VRK3: variants seen among roughly 807,000 people sequenced by gnomAD.
The protein encoded by VRK3 is VRK serine/threonine kinase 3.
VRK3 carries 50 observed loss-of-function variants against 60.4 expected under a neutral mutation model. The ratio of observed to expected loss-of-function variants is 0.83; its 90% CI spans 0.66 to 1.05. VRK3 has a LOEUF of 1.05. VRK3 is among the 50% of genes least tolerant of loss of function. The pLI is 0.00. For missense variants in VRK3, 549 were observed against 585.3 expected (o/e 0.94, Z 0.64); for synonymous variants, 246 against 227.8 (o/e 1.08, Z -0.72).
At chr19:49,993,110 C>T (rs2076640449) in intron 9 of VRK3, among the ~76,000 whole-genome samples, 158 bp from the exon 10 acceptor site, 1 of 152,146 alleles carries the variant, frequency 6.6e-6, no homozygotes, top group East Asian at 1.9e-4. Flanking sequence ...CATGAGGAGC[C>T]CGCTGTGACA....
intron 10 of VRK3, among the ~76,000 whole-genome samples, chr19:49,990,531 C>T (rs1226689063): frequency 6.6e-6 from 1 of 151,996 alleles, no homozygotes; most frequent in African/African-American, 2.4e-5. Context: ...CAGGCATGCA[C>T]CACCATGCCC....
chr19:49,979,049 G>C (rs1475881353), intron 14 of VRK3, 34 bp downstream of exon 14: 2 of 1,561,280 alleles, frequency 1.3e-6, no homozygotes, highest in South Asian at 1.2e-5. Flanking sequence ...GAGGGCAAGG[G>C]GTGAGAGGCT....
chr19:50,022,115 C>T (rs1414816368), intron 1 of VRK3, among the ~76,000 whole-genome samples: 1 of 152,182 alleles, frequency 6.6e-6, no homozygotes, highest in African/African-American at 2.4e-5. Context: ...CTCCACTCAC[C>T]TAGAAAACAG....
At chr19:49,999,850 T>C (rs924450407) in intron 6 of VRK3, 1 of 152,258 alleles carries the variant, frequency 6.6e-6, no homozygotes, top group Admixed American at 6.5e-5. Context: ...ACAGCTCAGG[T>C]TGATGGGGTG....
chr19:49,981,274 C>T, intron 12 of VRK3: 2 of 493,756 alleles, frequency 4.1e-6, no homozygotes, highest in Non-Finnish European at 7.4e-6. Flanking sequence ...TGGCCGGGCA[C>T]AGTGGCTCAC....
chr19:50,020,786 T>C (rs1045442497), intron 1 of VRK3, 139 bp from the exon 2 acceptor site: 1 of 152,230 alleles, frequency 6.6e-6, no homozygotes, highest in African/African-American at 2.4e-5. Flanking sequence ...CTATAACTAT[T>C]CACCGAGTTT....
intron 2 of VRK3, 123 bp from the exon 3 acceptor site, chr19:50,016,286 T>C: frequency 7.8e-7 from 1 of 1,289,884 alleles, no homozygotes; most frequent in East Asian, 2.5e-5. Flanking sequence ...CTTCAACTGT[T>C]TGTGATGTTC....
chr19:50,015,641 C>G (rs1419967552), intron 3 of VRK3: 1 of 181,106 alleles, frequency 5.5e-6, no homozygotes, highest in African/African-American at 2.3e-5. Flanking sequence ...GATGCTCAAC[C>G]AGTAAGTATA....
chr19:49,985,447 T>G (rs769023378), intron 12 of VRK3, among the ~76,000 whole-genome samples: 11 of 152,218 alleles, frequency 7.2e-5, no homozygotes, highest in Non-Finnish European at 1.3e-4. Flanking sequence ...CAAATTAGCA[T>G]CAAACTGTGT....
intron 9 of VRK3, 152 bp from the exon 10 acceptor site, chr19:49,993,104 A>G (rs2076640314): frequency 6.4e-6 from 4 of 626,574 alleles, no homozygotes; most frequent in South Asian, 6.1e-5. Flanking sequence ...GGGTAGCATG[A>G]GGAGCCCGCT....
At chr19:49,992,268 G>GT (rs1568784512) in intron 10 of VRK3, among the ~76,000 whole-genome samples, 1 of 152,184 alleles carries the variant, frequency 6.6e-6, no homozygotes, top group East Asian at 1.9e-4. Flanking sequence ...TTAGCTAGGC[G>GT]TAGTGGCGCA....
chr19:49,988,244 C>A, intron 12 of VRK3, 128 bp downstream of exon 12: 2 of 1,421,636 alleles, frequency 1.4e-6, no homozygotes, highest in East Asian at 5.1e-5. Flanking sequence ...CTGTGCGGCT[C>A]AGAGGACTTG....
chr19:49,999,581 C>G (rs2076764655), intron 6 of VRK3: 1 of 152,322 alleles, frequency 6.6e-6, no homozygotes, highest in Non-Finnish European at 1.5e-5. Context: ...GAGCTGCCTT[C>G]CCAGTGGATG....
chr19:50,001,117 T>G, intron 5 of VRK3: 1 of 388,296 alleles, frequency 2.6e-6, no homozygotes, highest in Non-Finnish European at 4.7e-6. Context: ...GGACCCTGGA[T>G]TCCGGGAGGG....
chr19:50,014,861 C>T (rs1390521157), intron 3 of VRK3, among the ~76,000 whole-genome samples: 1 of 152,096 alleles, frequency 6.6e-6, no homozygotes, highest in African/African-American at 2.4e-5. Context: ...TCTCTGGTGG[C>T]TGCGTGAAGA....
chr19:50,015,025 G>A lies in VRK3; in HGVS notation c.139+999C>T, dbSNP rs148574147. Among the ~76,000 whole-genome samples, 145 of 152,210 alleles carry A rather than the reference G, an allele frequency of 9.5e-4. 1 individual carries two copies. The highest frequency in any genetic ancestry group is 3.1e-3 in the Admixed American group (48 of 15,286). The stretch of plus-strand genomic sequence containing the variant: ...AACAAGATTTGCTGAAGGGGTGGGT[G>A]TGTCACGGGGTGCGAGACAAAGAGA... On this transcript the variant is annotated intron_variant, in intron 3 of 14. Coordinates refer to ENST00000316763, the MANE Select transcript of VRK3 (RefSeq NM_016440.4).
Position 50,010,913 on chromosome 19 carries a change from A to G in VRK3, c.140-1528T>C, listed in dbSNP as rs549451442. On this transcript the variant is annotated intron_variant, in intron 3 of 14. Transcript: ENST00000316763. ...GGATGACAGAGTGAGACTGTGTCTC[A>G]AAACAAAAACAAAAACAAAAAACAA... 8.5e-5 allele frequency among the ~76,000 whole-genome samples: 13 copies of G among 152,058 alleles called. No individual in the cohort carries two copies. The South Asian group carries it at 2.7e-3, about 32-fold the overall frequency.
At chr19:50,021,631 A>T (rs532829754) in intron 1 of VRK3, among the ~76,000 whole-genome samples, 1 of 152,340 alleles carries the variant, frequency 6.6e-6, no homozygotes, top group South Asian at 2.1e-4. Flanking sequence ...TGGGGAGCAG[A>T]AACAGGCCAC....
intron 10 of VRK3, among the ~76,000 whole-genome samples, chr19:49,990,198 A>C (rs1210940281): frequency 6.6e-6 from 1 of 152,154 alleles, no homozygotes; most frequent in Non-Finnish European, 1.5e-5. Flanking sequence ...ATGCCAACTC[A>C]GCCCGCTGGT....
Sources: allele counts gnomAD v4.1 joint callset (sites outside exome capture counted in the v4.1 genomes callset), GRCh38; gene constraint gnomAD v4.1.1; transcripts MANE v1.5; gene names NCBI Gene and HGNC (gene_info 2026-07-23, HGNC 2026-07-21).